The following PLEKHD1 variants were observed in gnomAD, a reference collection of about 807,000 sequenced individuals.
The protein encoded by PLEKHD1 is pleckstrin homology and coiled-coil domain containing D1, also known as pleckstrin homology domain-containing family D member 1.
PLEKHD1 carries 51 observed loss-of-function variants against 69.2 expected under a neutral mutation model. That is an observed-to-expected ratio of 0.74 (90% CI 0.59 to 0.93). The LOEUF (loss-of-function observed/expected upper bound fraction) is 0.93, where lower values mean the gene tolerates loss of function less well. Among genes scored for constraint, PLEKHD1 ranks in the 40% least tolerant of loss-of-function variants. The pLI, the probability that PLEKHD1 is intolerant of heterozygous loss-of-function variation, is 0.00. For synonymous variants in PLEKHD1, 236 were observed against 244.7 expected, an observed-to-expected ratio of 0.96 and a Z score of 0.33; for missense variants, 584 against 641.0, an observed-to-expected ratio of 0.91 and a Z score of 0.96.
In PLEKHD1 at chr14:69,526,102, GA is replaced by G. The variant is rs1218897296; in HGVS notation, c.905del (p.Lys302SerfsTer8). On this transcript the variant is annotated frameshift_variant, in exon 9 of 13. Coordinates refer to ENST00000322564, the MANE Select transcript of PLEKHD1 (RefSeq NM_001161498.2). LOFTEE classifies it high-confidence loss of function. The part of the protein sequence containing the change: ...EEKMQQLLEE[K>X]LLAEKRMKEN... Reference sequence around the variant, plus strand: ...AGAAGATGCAGCAGCTCTTAGAGGAGAAGCTCCTGGCAGAGAAGCGGTGAGG... The same window carrying G: ...AGAAGATGCAGCAGCTCTTAGAGGAGAGCTCCTGGCAGAGAAGCGGTGAGG... The G allele has an allele frequency of 6.4e-7, 1 of 1,550,800 alleles. No individual in the cohort carries two copies. The highest frequency in any genetic ancestry group is 2.0e-5 in the Admixed American group (1 of 50,790).
At chr14:69,468,379 AAAAG>A in the PLEKHD1 span, among the ~76,000 whole-genome samples, 2 of 152,218 alleles carry the variant, frequency 1.3e-5, no homozygotes, top group African/African-American at 4.8e-5. Context: ...AGGATAGTGA[AAAAG>A]AAGGGCAGAG....
intron 7 of PLEKHD1, among the ~76,000 whole-genome samples, chr14:69,523,700 G>C (rs879373645): frequency 6.6e-6 from 1 of 152,196 alleles, no homozygotes; most frequent in Non-Finnish European, 1.5e-5. Context: ...ATACAGGGCT[G>C]AGTGAGATGG....
At chr14:69,494,562 A>G (rs1882846008) in intron 1 of PLEKHD1, among the ~76,000 whole-genome samples, 1 of 152,344 alleles carries the variant, frequency 6.6e-6, no homozygotes, top group Middle Eastern at 3.4e-3. Flanking sequence ...ACCGTCCACA[A>G]TTGTGACGTG....
At chr14:69,520,535 C>T (rs949417052) in intron 6 of PLEKHD1, among the ~76,000 whole-genome samples, 2 of 151,946 alleles carry the variant, frequency 1.3e-5, no homozygotes, top group Non-Finnish European at 2.9e-5. Flanking sequence ...TCGAGACCAG[C>T]CTGGCCAACC....
At position 69,485,129 on chromosome 14, in the gene PLEKHD1, G is replaced by A. The variant is rs898724098; in HGVS notation, c.149+15G>A. 32 of 1,545,370 alleles carry A rather than the reference G, an allele frequency of 2.1e-5. 1 individual carries two copies. Among genetic ancestry groups the A allele is most frequent in the Non-Finnish European group, 2.8e-5 (32 of 1,143,812 alleles). On this transcript the variant is annotated intron_variant, in intron 1 of 12. Transcript: ENST00000322564. ...TGGTCCCGGCGGTGAGTGCGCCCCCGCGCCCCAAGGAGACCGCCGGGGAGA... is the reference window on the plus strand; with the variant it reads ...TGGTCCCGGCGGTGAGTGCGCCCCCACGCCCCAAGGAGACCGCCGGGGAGA...
chr14:69,529,102 C>G lies in PLEKHD1; in HGVS notation c.*683C>G, dbSNP rs1021591086. 6.6e-6 allele frequency: 1 copy of G among 152,666 alleles called. No homozygotes were observed. Among genetic ancestry groups the G allele is most frequent in the Non-Finnish European group, 1.5e-5 (1 of 68,404 alleles). The allele number at this position is 152,666 out of a possible 1,614,324, so 9.5% of individuals were successfully genotyped here. A position where few individuals can be genotyped will look rare whatever the true frequency, so the allele number is the denominator to read the frequency against. Reference sequence around the variant, plus strand: ...TGTGGGGCCACCCACTGATTCCCCTCCTCCTCTGGTGAGCTCACTCACAGC... The same window carrying G: ...TGTGGGGCCACCCACTGATTCCCCTGCTCCTCTGGTGAGCTCACTCACAGC... On this transcript the variant is annotated 3_prime_UTR_variant, in exon 13 of 13. Transcript: ENST00000322564.
chr14:69,491,886 C>A (rs1882784149), intron 1 of PLEKHD1, among the ~76,000 whole-genome samples: 1 of 152,214 alleles, frequency 6.6e-6, no homozygotes. Flanking sequence ...CATCCCAGTT[C>A]CTGCTCACTC....
At chr14:69,467,817 G>A in the PLEKHD1 span, among the ~76,000 whole-genome samples, 1 of 152,184 alleles carries the variant, frequency 6.6e-6, no homozygotes, top group Admixed American at 6.5e-5. Flanking sequence ...GTGAGGGTCA[G>A]TAGAGCTGCT....
In PLEKHD1 at chr14:69,509,807, G is replaced by A. The variant is rs1275732; in HGVS notation, c.555+6928G>A. 7.5e-3 allele frequency among the ~76,000 whole-genome samples: 1,147 copies of A among 151,946 alleles called. 14 individuals carry two copies. The highest frequency in any genetic ancestry group is 0.026 in the African/African-American group (1,092 of 41,462). ...ACAAAAATTAGCCAGGCGTGGTGGC[G>A]GGCGCCTGTAATCCCAGCTACTCAG... On this transcript the variant is annotated intron_variant, in intron 6 of 12. Coordinates refer to ENST00000322564, the MANE Select transcript of PLEKHD1 (RefSeq NM_001161498.2).
chr14:69,505,459 T>C (rs1033963329), intron 6 of PLEKHD1, among the ~76,000 whole-genome samples: 16 of 152,196 alleles, frequency 1.1e-4, no homozygotes, highest in Admixed American at 9.2e-4. Flanking sequence ...AGTGATAAGA[T>C]GAAGGTTCTT....
rs180735412 is a variant in PLEKHD1, at chr14:69,521,046, G to A, written c.556-1237G>A. Among the ~76,000 whole-genome samples the A allele has an allele frequency of 1.2e-4, 19 of 152,330 alleles. No individual in the cohort carries two copies. In the East Asian group the frequency reaches 3.7e-3, roughly 29 times the overall value. ...ACTCAGGAGGCTGAGGCAGGAGGAT[G>A]GCTTGAGCTTGGGAGTTCAAGGCGG... On this transcript the variant is annotated intron_variant, in intron 6 of 12. Coordinates refer to ENST00000322564, the MANE Select transcript of PLEKHD1 (RefSeq NM_001161498.2).
chr14:69,474,333 C>G, the PLEKHD1 span, among the ~76,000 whole-genome samples: 1 of 152,194 alleles, frequency 6.6e-6, no homozygotes, highest in African/African-American at 2.4e-5. Flanking sequence ...TCTGCTGGCA[C>G]ATAGACCTCA....
intron 2 of PLEKHD1, 124 bp downstream of exon 2, chr14:69,500,332 C>T: frequency 1.1e-6 from 1 of 874,032 alleles, no homozygotes; most frequent in Non-Finnish European, 1.7e-6. Flanking sequence ...GAGAGCAAAT[C>T]CTCTTGGGGC....
upstream of PLEKHD1, among the ~76,000 whole-genome samples, chr14:69,483,346 G>A (rs746260857): frequency 6.6e-6 from 1 of 151,930 alleles, no homozygotes; most frequent in African/African-American, 2.4e-5. Flanking sequence ...CCAAATGCCT[G>A]CAGAGGGGCC....
At chr14:69,503,116 CCTT>C (rs1883067787) in intron 6 of PLEKHD1, 2 of 529,322 alleles carry the variant, frequency 3.8e-6, no homozygotes, top group Non-Finnish European at 6.9e-6. Flanking sequence ...TGGGTGATGA[CCTT>C]CTAGAGAAAG....
intron 6 of PLEKHD1, among the ~76,000 whole-genome samples, chr14:69,508,064 T>C (rs372986356): frequency 1.3e-4 from 20 of 152,368 alleles, no homozygotes; most frequent in African/African-American, 4.3e-4. Context: ...CCTAATCATA[T>C]ATGATGTTGG....
chr14:69,497,010 C>T (rs970188824), intron 1 of PLEKHD1, among the ~76,000 whole-genome samples: 4 of 152,016 alleles, frequency 2.6e-5, no homozygotes, highest in Non-Finnish European at 5.9e-5. Context: ...ATATTGAGTC[C>T]ATAGTAGCAT....
chr14:69,475,199 A>G, the PLEKHD1 span, among the ~76,000 whole-genome samples: 1 of 152,178 alleles, frequency 6.6e-6, no homozygotes, highest in African/African-American at 2.4e-5. Context: ...GTTCTGGGAG[A>G]GTGTGTGAGA....
chr14:69,512,396 T>C (rs899083675), intron 6 of PLEKHD1, among the ~76,000 whole-genome samples: 1 of 152,154 alleles, frequency 6.6e-6, no homozygotes, highest in African/African-American at 2.4e-5. Flanking sequence ...CATTGATTTC[T>C]GCTCTGTTTT....
Sources: allele counts gnomAD v4.1 joint callset (sites outside exome capture counted in the v4.1 genomes callset), GRCh38; gene constraint gnomAD v4.1.1; transcripts MANE v1.5; gene names NCBI Gene and HGNC (gene_info 2026-07-23, HGNC 2026-07-21).